Variants in C8orf34 observed in about 807,000 individuals in gnomAD.
The protein encoded by C8orf34 is uncharacterized protein C8orf34.
C8orf34 carries 65 observed loss-of-function variants against 68.3 expected under a neutral mutation model. That is an observed-to-expected ratio of 0.95 (90% confidence interval 0.78 to 1.17). C8orf34 has a LOEUF of 1.17. Among genes scored for constraint, C8orf34 ranks in the 50% most tolerant of loss-of-function variants. The pLI is 0.00. For missense variants in C8orf34, 664 were observed against 655.4 expected, an observed-to-expected ratio of 1.01 and a Z score of -0.14; for synonymous variants, 244 against 241.2, an observed-to-expected ratio of 1.01 and a Z score of -0.11.
intron 7 of C8orf34, among the ~76,000 whole-genome samples, chr8:68,536,232 T>C (rs1475045240): frequency 1.3e-5 from 2 of 151,228 alleles, no homozygotes; most frequent in Non-Finnish European, 3.0e-5. Flanking sequence ...AATACTTATA[T>C]TAGTCAAGTG....
intron 10 of C8orf34, among the ~76,000 whole-genome samples, chr8:68,735,389 C>A (rs1201539908): frequency 6.6e-6 from 1 of 152,162 alleles, no homozygotes; most frequent in Non-Finnish European, 1.5e-5. Flanking sequence ...GGAGCATTAA[C>A]GATAACACGT....
chr8:68,521,475 G>A (rs1313381027), intron 5 of C8orf34, among the ~76,000 whole-genome samples: 1 of 152,078 alleles, frequency 6.6e-6, no homozygotes, highest in African/African-American at 2.4e-5. Context: ...CAAGCTCTCT[G>A]CCTATGTGGG....
chr8:68,566,430 C>T (rs946512466), intron 7 of C8orf34, among the ~76,000 whole-genome samples: 2 of 152,182 alleles, frequency 1.3e-5, no homozygotes, highest in African/African-American at 4.8e-5. Flanking sequence ...TTCTGTTGTT[C>T]AGTGTAGCCA....
At chr8:68,796,974 A>G (rs9942769) in intron 12 of C8orf34, among the ~76,000 whole-genome samples, 5,828 of 151,888 alleles carry the variant, frequency 0.038, 308 homozygotes, top group African/African-American at 0.11. Flanking sequence ...TTACAGGCAC[A>G]TGCCACCACG....
chr8:68,409,209 G>C (rs1396939763), intron 1 of C8orf34, among the ~76,000 whole-genome samples: 1 of 152,180 alleles, frequency 6.6e-6, no homozygotes, highest in African/African-American at 2.4e-5. Flanking sequence ...AATTATTTTA[G>C]AGTGTACTTT....
chr8:68,346,148 ATTCT>A (rs1197165414), intron 1 of C8orf34, among the ~76,000 whole-genome samples: 1 of 151,974 alleles, frequency 6.6e-6, no homozygotes, highest in Admixed American at 6.6e-5. Flanking sequence ...TTGAATGTGT[ATTCT>A]TTCTTAGTTG....
chr8:68,794,387 T>G (rs1008523427), intron 12 of C8orf34, among the ~76,000 whole-genome samples: 1 of 83,416 alleles, frequency 1.2e-5, no homozygotes, highest in Non-Finnish European at 2.2e-5. Flanking sequence ...CCCAGGCTGG[T>G]CTCGAACTCC....
At chr8:68,414,235 A>G (rs904500048) in intron 1 of C8orf34, among the ~76,000 whole-genome samples, 1 of 152,106 alleles carries the variant, frequency 6.6e-6, no homozygotes, top group African/African-American at 2.4e-5. Context: ...TATTTATTTT[A>G]CTGATTGATT....
chr8:68,462,312 A>G (rs1238836014), intron 3 of C8orf34, among the ~76,000 whole-genome samples: 2 of 152,194 alleles, frequency 1.3e-5, no homozygotes, highest in Non-Finnish European at 1.5e-5. Flanking sequence ...TGACCTACAA[A>G]GGGACTTAGA....
chr8:68,482,805 G>A (rs1812916969), intron 4 of C8orf34, among the ~76,000 whole-genome samples: 1 of 152,194 alleles, frequency 6.6e-6, no homozygotes, highest in African/African-American at 2.4e-5. Flanking sequence ...TGAATGAGGT[G>A]TTGGGAAGGA....
At chr8:68,564,112 A>G (rs944212831) in intron 7 of C8orf34, among the ~76,000 whole-genome samples, 3 of 152,186 alleles carry the variant, frequency 2.0e-5, no homozygotes, top group Non-Finnish European at 4.4e-5. Flanking sequence ...CAGTAAGGAG[A>G]TATCTTTATG....
At chr8:68,538,585 A>G (rs937263220) in intron 7 of C8orf34, among the ~76,000 whole-genome samples, 5 of 152,022 alleles carry the variant, frequency 3.3e-5, no homozygotes, top group Non-Finnish European at 7.4e-5. Context: ...TACATTTTGT[A>G]TGCTACAGAC....
At chr8:68,734,832 G>A (rs1822079361) in intron 10 of C8orf34, among the ~76,000 whole-genome samples, 1 of 152,142 alleles carries the variant, frequency 6.6e-6, no homozygotes, top group Admixed American at 6.5e-5. Context: ...ATGCCACTCT[G>A]GGCGGCCAGA....
intron 1 of C8orf34, among the ~76,000 whole-genome samples, chr8:68,416,032 A>G (rs1809651194): frequency 6.6e-6 from 1 of 152,214 alleles, no homozygotes; most frequent in Admixed American, 6.5e-5. Flanking sequence ...GTGAGCATGA[A>G]AAAAATGTAT....
chr8:68,547,546 T>C (rs1815925058), intron 7 of C8orf34, among the ~76,000 whole-genome samples: 2 of 151,678 alleles, frequency 1.3e-5, no homozygotes, highest in Admixed American at 1.3e-4. Context: ...CCATAGCTGA[T>C]ACCAAAACCT....
intron 8 of C8orf34, among the ~76,000 whole-genome samples, chr8:68,706,088 A>G (rs889635626): frequency 1.3e-5 from 2 of 152,214 alleles, no homozygotes; most frequent in Non-Finnish European, 2.9e-5. Context: ...AAGGAATGGA[A>G]AAAAGAAAGA....
At chr8:68,660,284 T>G (rs181878470) in intron 8 of C8orf34, among the ~76,000 whole-genome samples, 1 of 152,256 alleles carries the variant, frequency 6.6e-6, no homozygotes, top group Non-Finnish European at 1.5e-5. Flanking sequence ...CCTAGTTACT[T>G]TATCTTCCCA....
intron 7 of C8orf34, among the ~76,000 whole-genome samples, chr8:68,615,590 A>T (rs1818181859): frequency 6.6e-6 from 1 of 152,210 alleles, no homozygotes; most frequent in Non-Finnish European, 1.5e-5. Flanking sequence ...GATGGATTAC[A>T]TTTATTGATT....
chr8:68,705,745 G>A (rs751954852), intron 8 of C8orf34, among the ~76,000 whole-genome samples: 9 of 151,450 alleles, frequency 5.9e-5, no homozygotes, highest in Non-Finnish European at 1.3e-4. Context: ...TTTTTTTTAA[G>A]ACTGAAAGAG....
Sources: allele counts gnomAD v4.1 joint callset (sites outside exome capture counted in the v4.1 genomes callset), GRCh38; gene constraint gnomAD v4.1.1; transcripts MANE v1.5; gene names NCBI Gene and HGNC (gene_info 2026-07-23, HGNC 2026-07-21).